The following SNX29 variants were observed in gnomAD, a reference collection of about 807,000 sequenced individuals.
SNX29 encodes the protein sorting nexin 29, also known as sorting nexin-29.
SNX29 carries 78 observed loss-of-function variants against 102.1 expected under a neutral mutation model. The ratio of observed to expected loss-of-function variants is 0.76; its 90% CI spans 0.64 to 0.92. The LOEUF (loss-of-function observed/expected upper bound fraction) is 0.92. Among genes scored for constraint, SNX29 ranks in the 40% least tolerant of loss-of-function variants. SNX29 has a pLI of 0.00. For synonymous variants in SNX29, 580 were observed against 414.5 expected (o/e 1.40, Z -4.85); for missense variants, 1,280 against 1,061.7 (o/e 1.21, Z -2.86).
At chr16:12,305,197 C>T (rs886217891) in intron 15 of SNX29, among the ~76,000 whole-genome samples, 20 of 152,224 alleles carry the variant, frequency 1.3e-4, no homozygotes, top group African/African-American at 4.8e-4. Context: ...TTGAGCCCCT[C>T]ATATGAGCAG....
chr16:12,323,720 G>A (rs1164131789), intron 15 of SNX29, among the ~76,000 whole-genome samples: 1 of 152,042 alleles, frequency 6.6e-6, no homozygotes, highest in African/African-American at 2.4e-5. Flanking sequence ...TAAGGGTGTG[G>A]GCACTGAAGC....
intron 14 of SNX29, among the ~76,000 whole-genome samples, chr16:12,204,346 A>G (rs2076992633): frequency 1.3e-5 from 2 of 152,118 alleles, no homozygotes; most frequent in South Asian, 2.1e-4. Flanking sequence ...TCTTTCCTGG[A>G]TACAGGCCTG....
In SNX29 at chr16:12,439,156, C is replaced by A. The variant is rs527752434; in HGVS notation, c.2037+35627C>A. Among the ~76,000 whole-genome samples, 10 of 152,266 alleles carry A rather than the reference C, an allele frequency of 6.6e-5. No homozygotes were observed. The East Asian group carries it at 1.4e-3, about 21-fold the overall frequency. On this transcript the variant is annotated intron_variant, in intron 18 of 20. Transcript: ENST00000566228. ...CCTGCTCTTGTCCTGGTTGCAGGGGCACCTGAGAAAGTGTCATTTGCCAGC... is the reference window on the plus strand; with the variant it reads ...CCTGCTCTTGTCCTGGTTGCAGGGGAACCTGAGAAAGTGTCATTTGCCAGC...
chr16:12,371,835 C>A (rs2082694579), intron 16 of SNX29, among the ~76,000 whole-genome samples: 1 of 152,162 alleles, frequency 6.6e-6, no homozygotes, highest in Non-Finnish European at 1.5e-5. Context: ...CTGACTCTCG[C>A]CTTCGCCCTA....
intron 16 of SNX29, among the ~76,000 whole-genome samples, chr16:12,359,195 C>T (rs899607982): frequency 1.3e-5 from 2 of 152,192 alleles, no homozygotes; most frequent in East Asian, 1.9e-4. Context: ...AATCAGAGGA[C>T]ACCCAGCTGG....
chr16:12,109,145 A>AAG (rs1555461969), intron 11 of SNX29, among the ~76,000 whole-genome samples: 32 of 84,254 alleles, frequency 3.8e-4, no homozygotes, highest in East Asian at 2.7e-3. Flanking sequence ...AAAAAAAAAA[A>AAG]AAAAAAAAAA....
chr16:12,412,657 G>A (rs1485449445), intron 18 of SNX29, among the ~76,000 whole-genome samples: 1 of 152,208 alleles, frequency 6.6e-6, no homozygotes, highest in African/African-American at 2.4e-5. Flanking sequence ...CTGTGTGTGC[G>A]TGCATACGTG....
At chr16:12,155,011 G>A (rs2055479157) in intron 13 of SNX29, among the ~76,000 whole-genome samples, 1 of 152,196 alleles carries the variant, frequency 6.6e-6, no homozygotes, top group Non-Finnish European at 1.5e-5. Context: ...ATTTAGGCAT[G>A]AAGAATGTCA....
intron 11 of SNX29, among the ~76,000 whole-genome samples, chr16:12,122,228 C>A (rs1040841533): frequency 6.6e-6 from 1 of 152,174 alleles, no homozygotes; most frequent in Non-Finnish European, 1.5e-5. Context: ...TGCTCTTGGG[C>A]CAGATGCCTC....
chr16:12,568,730 C>G lies in SNX29; in HGVS notation c.*101C>G, dbSNP rs890897. On this transcript the variant is annotated 3_prime_UTR_variant, in exon 21 of 21. Coordinates refer to ENST00000566228, the MANE Select transcript of SNX29 (RefSeq NM_032167.5). ...CACCTCAGCGTGACAACCACGTCCA[C>G]CTGGTGATCCTGAGAGCACACGATT... The G allele has an allele frequency of 6.7e-7, 1 of 1,487,444 alleles. No individual in the cohort carries two copies. Among genetic ancestry groups the G allele is most frequent in the East Asian group, 2.4e-5 (1 of 41,906 alleles). The allele number at this position is 1,487,444 out of a possible 1,614,324, so 92.1% of individuals were successfully genotyped here. A position where few individuals can be genotyped will look rare whatever the true frequency, so the allele number is the denominator to read the frequency against.
intron 13 of SNX29, among the ~76,000 whole-genome samples, chr16:12,161,992 C>T (rs2055805323): frequency 6.6e-6 from 1 of 152,162 alleles, no homozygotes; most frequent in Admixed American, 6.5e-5. Context: ...AATTGTCGGC[C>T]CCCGAATCCC....
At chr16:12,038,643 A>G (rs1291689160) in intron 4 of SNX29, 4 of 152,244 alleles carry the variant, frequency 2.6e-5, no homozygotes, top group Non-Finnish European at 5.9e-5. Flanking sequence ...AATTCTTATC[A>G]TCATCAGCAT....
At chr16:12,166,668 C>T (rs566020533) in intron 13 of SNX29, among the ~76,000 whole-genome samples, 1 of 152,216 alleles carries the variant, frequency 6.6e-6, no homozygotes, top group South Asian at 2.1e-4. Context: ...CTGGAAAACC[C>T]AAAGATCCCG....
intron 16 of SNX29, among the ~76,000 whole-genome samples, chr16:12,362,553 T>C (rs1238377557): frequency 0.054 from 580 of 10,694 alleles, no homozygotes; most frequent in Non-Finnish European, 0.057. Context: ...GCTGCTGCAC[T>C]CCCCCCCCAC....
At chr16:12,553,361 G>C (rs2078110900) in intron 20 of SNX29, among the ~76,000 whole-genome samples, 1 of 152,202 alleles carries the variant, frequency 6.6e-6, no homozygotes, top group Non-Finnish European at 1.5e-5. Context: ...TCTTCTCAGA[G>C]CTTGCCAGAC....
intron 11 of SNX29, among the ~76,000 whole-genome samples, chr16:12,085,358 G>A (rs555789531): frequency 2.6e-5 from 4 of 152,248 alleles, no homozygotes; most frequent in East Asian, 1.9e-4. Flanking sequence ...ACGGCGTCTC[G>A]CTCTGTTGGC....
intron 18 of SNX29, among the ~76,000 whole-genome samples, chr16:12,436,491 G>A (rs929510772): frequency 6.6e-6 from 1 of 152,198 alleles, no homozygotes; most frequent in Non-Finnish European, 1.5e-5. Flanking sequence ...TCAGGAAATC[G>A]CCTTTGTTGC....
chr16:12,431,134 G>T (rs528951669), intron 18 of SNX29, among the ~76,000 whole-genome samples: 87 of 152,310 alleles, frequency 5.7e-4, no homozygotes, highest in African/African-American at 1.9e-3. Context: ...TTACAGGCGT[G>T]AGCCACTGCG....
intron 13 of SNX29, among the ~76,000 whole-genome samples, chr16:12,187,066 C>T (rs1241200488): frequency 1.3e-5 from 2 of 152,222 alleles, no homozygotes; most frequent in African/African-American, 2.4e-5. Context: ...TCCGGACTTC[C>T]ACCTGCTCTT....
Sources: allele counts gnomAD v4.1 joint callset (sites outside exome capture counted in the v4.1 genomes callset), GRCh38; gene constraint gnomAD v4.1.1; transcripts MANE v1.5; gene names NCBI Gene and HGNC (gene_info 2026-07-23, HGNC 2026-07-21).